PCDHA2: variants seen among roughly 807,000 people sequenced by gnomAD.
The protein encoded by PCDHA2 is protocadherin alpha-2.
In PCDHA2, 58 loss-of-function variants were observed where a neutral mutation model predicts 66.0. The observed-to-expected ratio is 0.88, with a 90% CI of 0.71 to 1.09. PCDHA2 has a LOEUF of 1.09. PCDHA2 is among the 50% of genes least tolerant of loss of function. The pLI is 0.00. For synonymous variants in PCDHA2, 634 were observed against 554.0 expected (o/e 1.14, Z -2.03); for missense variants, 1,267 against 1,242.3 (o/e 1.02, Z -0.30).
chr5:140,802,874 C>G, intron 1 of PCDHA2: 7 of 1,613,730 alleles, frequency 4.3e-6, no homozygotes, highest in Non-Finnish European at 5.9e-6. Context: ...TGGACGAGAA[C>G]GACAACGCGC....
chr5:140,858,417 G>A, intron 1 of PCDHA2: 1 of 1,560,448 alleles, frequency 6.4e-7, no homozygotes, highest in Non-Finnish European at 8.7e-7. Context: ...CAGTCTATTG[G>A]AGGGGACCAC....
At chr5:140,878,993 G>A (rs369200128) in intron 1 of PCDHA2, among the ~76,000 whole-genome samples, 70 of 152,306 alleles carry the variant, frequency 4.6e-4, no homozygotes, top group African/African-American at 1.7e-3. Context: ...AGAAATGAGA[G>A]TATGCCCTAG....
chr5:140,946,611 AATATATATAT>A (rs1554217734), intron 1 of PCDHA2, among the ~76,000 whole-genome samples: 3 of 86,806 alleles, frequency 3.5e-5, no homozygotes, highest in African/African-American at 1.3e-4. Flanking sequence ...GAAAATGTGA[AATATATATAT>A]ATATATATAT....
chr5:140,908,778 C>G (rs1452710808), intron 1 of PCDHA2, among the ~76,000 whole-genome samples: 1 of 152,184 alleles, frequency 6.6e-6, no homozygotes, highest in Non-Finnish European at 1.5e-5. Flanking sequence ...GTAGAGTCTT[C>G]TCCTGTTCTG....
chr5:140,887,803 C>T (rs2061589449), intron 1 of PCDHA2, among the ~76,000 whole-genome samples: 2 of 152,050 alleles, frequency 1.3e-5, no homozygotes, highest in Admixed American at 1.3e-4. Flanking sequence ...TTATTTTTGT[C>T]CATTTCTTTC....
chr5:140,851,814 CAG>C, intron 1 of PCDHA2: 1 of 954,570 alleles, frequency 1.0e-6, no homozygotes, highest in Non-Finnish European at 1.3e-6. Flanking sequence ...ATCCATAAGA[CAG>C]AAATCTGTTT....
chr5:140,823,050 C>A, intron 1 of PCDHA2: 2 of 1,614,184 alleles, frequency 1.2e-6, no homozygotes, highest in Non-Finnish European at 1.7e-6. Context: ...TGGTGGTGAC[C>A]GCGCGGGACG....
chr5:140,902,203 CTTT>C lies in PCDHA2; in HGVS notation c.2389-76730_2389-76728del, dbSNP rs148688132. ...TTATGTCTTCTCTCTCTCTCTCTTT[CTTT>C]TTTTTTTTTTTTTTTGAGATGAGGA... On this transcript the variant is annotated intron_variant, in intron 1 of 3. Coordinates refer to ENST00000526136, the MANE Select transcript of PCDHA2 (RefSeq NM_018905.3). Among the ~76,000 whole-genome samples, 328 of 124,424 alleles carry C rather than the reference CTTT, an allele frequency of 2.6e-3. 2 individuals are homozygous for C. Among genetic ancestry groups the C allele is most frequent in the Middle Eastern group, 0.017 (4 of 242 alleles). 81.6% of individuals were successfully genotyped at this position (124,424 alleles called of 152,430 possible).
In PCDHA2 at chr5:140,883,888, T is replaced by G. The variant is rs781919107; in HGVS notation, c.2388+86536T>G. ...AGTTCCAGGTGAGCGCGCGCGACTC[T>G]GGCGTGCCGCCTCTGGGCAGCAACG... On this transcript the variant is annotated intron_variant, in intron 1 of 3. Transcript: ENST00000526136. 33 of 1,612,942 alleles carry G rather than the reference T, an allele frequency of 2.0e-5. No individual in the cohort carries two copies. In the African/African-American group the frequency reaches 2.1e-4, roughly 10 times the overall value.
intron 1 of PCDHA2, among the ~76,000 whole-genome samples, chr5:140,885,444 T>C (rs2060598536): frequency 1.3e-5 from 2 of 152,198 alleles, no homozygotes; most frequent in South Asian, 2.1e-4. Flanking sequence ...TGCAATTATA[T>C]ATTATTTACC....
At chr5:140,851,673 T>C (rs2042127540) in intron 1 of PCDHA2, 1 of 917,738 alleles carries the variant, frequency 1.1e-6, no homozygotes, top group Non-Finnish European at 1.3e-6. Flanking sequence ...TAATTGAAAT[T>C]TTCTCCATTC....
intron 1 of PCDHA2, among the ~76,000 whole-genome samples, chr5:140,821,100 G>T (rs2150108683): frequency 2.6e-5 from 4 of 151,920 alleles, no homozygotes; most frequent in African/African-American, 9.7e-5. Flanking sequence ...TCAACAAAAT[G>T]TCACTATTAA....
chr5:140,853,313 T>C lies in PCDHA2; in HGVS notation c.2388+55961T>C, dbSNP rs1581310278. The C allele has an allele frequency of 3.0e-6, 3 of 984,212 alleles. 1 individual carries two copies. Among genetic ancestry groups the C allele is most frequent in the Non-Finnish European group, 1.2e-6 (1 of 816,620 alleles). 61.0% of individuals were successfully genotyped at this position (984,212 alleles called of 1,614,324 possible). A position where few individuals can be genotyped will look rare whatever the true frequency, so the allele number is the denominator to read the frequency against. On this transcript the variant is annotated intron_variant, in intron 1 of 3. Transcript: ENST00000526136. ...CTCAGAAGGGCTGTGAACACCTTAG[T>C]AATAAATTTATCTTTTGAGGTCATT...
intron 1 of PCDHA2, among the ~76,000 whole-genome samples, chr5:140,921,954 C>A (rs970694644): frequency 2.0e-5 from 3 of 151,586 alleles, no homozygotes; most frequent in African/African-American, 7.3e-5. Context: ...TGTAAAATCC[C>A]AGAAAACCAA....
rs148631412 is a variant in PCDHA2, at chr5:140,929,183, C to T, written c.2389-49766C>T. On this transcript the variant is annotated intron_variant, in intron 1 of 3. Transcript: ENST00000526136. ...TATCGGGCCTCTCTGGGACTTGGTT[C>T]TGATAATAACAGTTTGCTGTTGCGT... is the stretch of plus-strand genomic sequence containing the variant. 62 of 1,614,144 alleles carry T rather than the reference C, an allele frequency of 3.8e-5. No individual in the cohort carries two copies. The highest frequency in any genetic ancestry group is 4.8e-5 in the Non-Finnish European group (57 of 1,180,012).
chr5:140,853,365 G>C (rs2150531166), intron 1 of PCDHA2: 504,759 of 981,110 alleles, frequency 0.51, 151,971 homozygotes, highest in South Asian at 0.62. Flanking sequence ...CAGGGATCCA[G>C]AGATGGTAAA....
Position 140,842,885 on chromosome 5 carries a change from C to T in PCDHA2, c.2388+45533C>T. 2 of 1,594,162 alleles carry T rather than the reference C, an allele frequency of 1.3e-6. 1 individual carries two copies. The highest frequency in any genetic ancestry group is 1.7e-6 in the Non-Finnish European group (2 of 1,165,432). On this transcript the variant is annotated intron_variant, in intron 1 of 3. Coordinates refer to ENST00000526136, the MANE Select transcript of PCDHA2 (RefSeq NM_018905.3). Reference sequence around the variant, plus strand: ...GAGCGGCAAGGTGTACGCGCTGCAGCCGCTGGACCACGAGGAGCTAGAGCT... The same window carrying T: ...GAGCGGCAAGGTGTACGCGCTGCAGTCGCTGGACCACGAGGAGCTAGAGCT...
chr5:140,910,346 G>C (rs2074987326), intron 1 of PCDHA2, among the ~76,000 whole-genome samples: 1 of 152,152 alleles, frequency 6.6e-6, no homozygotes, highest in Admixed American at 6.5e-5. Flanking sequence ...CTTTGCCTCT[G>C]CTGTCCATTA....
chr5:140,978,685 CA>C (rs1426574040), intron 1 of PCDHA2, among the ~76,000 whole-genome samples: 2 of 152,242 alleles, frequency 1.3e-5, no homozygotes, highest in African/African-American at 2.4e-5. Context: ...ATGTATTGGG[CA>C]AGGCAAAGCC....
Sources: allele counts gnomAD v4.1 joint callset (sites outside exome capture counted in the v4.1 genomes callset), GRCh38; gene constraint gnomAD v4.1.1; transcripts MANE v1.5; gene names NCBI Gene and HGNC (gene_info 2026-07-23, HGNC 2026-07-21).